Variants in DERA observed in about 807,000 individuals in gnomAD.
DERA encodes deoxyribose-phosphate aldolase, also known as 2-deoxy-D-ribose 5-phosphate aldolase.
In DERA, 15 loss-of-function variants were observed where a neutral mutation model predicts 41.1. The ratio of observed to expected loss-of-function variants is 0.37; its 90% CI spans 0.24 to 0.56. The LOEUF (loss-of-function observed/expected upper bound fraction) is 0.56, where lower values mean the gene tolerates loss of function less well. Among genes scored for constraint, DERA ranks in the 20% least tolerant of loss-of-function variants. The pLI, the probability that DERA is intolerant of heterozygous loss-of-function variation, is 0.81. For synonymous variants in DERA, 139 were observed against 137.4 expected (o/e 1.01, Z -0.08); for missense variants, 396 against 403.4 (o/e 0.98, Z 0.16).
chr12:16,007,762 C>G (rs1948922110), intron 6 of DERA, among the ~76,000 whole-genome samples: 1 of 152,112 alleles, frequency 6.6e-6, no homozygotes, highest in South Asian at 2.1e-4. Flanking sequence ...AAGACTTGTA[C>G]CTTAGTCTCT....
At position 15,983,812 on chromosome 12, in the gene DERA, C is replaced by T. The variant is rs1948747365; in HGVS notation, c.637+1376C>T. 6.6e-6 allele frequency among the ~76,000 whole-genome samples: 1 copy of T among 152,176 alleles called. No individual in the cohort carries two copies. The highest frequency in any genetic ancestry group is 2.1e-4 in the South Asian group (1 of 4,830). On this transcript the variant is annotated intron_variant, in intron 6 of 8. Coordinates refer to ENST00000428559, the MANE Select transcript of DERA (RefSeq NM_015954.4). This position sits in a 1 kb window ranked among gnomAD's most constrained non-coding sequence, Gnocchi z 6.2. ...ACTAGTCAGCAATGGTGCTGTTGCTCTGGGCACAACTGCTGTATCTAGAAA... is the reference window on the plus strand; with the variant it reads ...ACTAGTCAGCAATGGTGCTGTTGCTTTGGGCACAACTGCTGTATCTAGAAA...
chr12:15,963,702 A>T (rs968221009), intron 5 of DERA, among the ~76,000 whole-genome samples: 9 of 152,316 alleles, frequency 5.9e-5, no homozygotes, highest in Non-Finnish European at 1.0e-4. Flanking sequence ...TAAAGCCAGG[A>T]TAGTATATTG....
chr12:15,934,614 A>G (rs1051572553), intron 1 of DERA, among the ~76,000 whole-genome samples: 1 of 152,136 alleles, frequency 6.6e-6, no homozygotes, highest in African/African-American at 2.4e-5. Flanking sequence ...AAGTTTTACA[A>G]TAAACTCACT....
At chr12:15,917,507 T>G (rs1948209438) in intron 1 of DERA, among the ~76,000 whole-genome samples, 1 of 152,208 alleles carries the variant, frequency 6.6e-6, no homozygotes, top group Non-Finnish European at 1.5e-5. Context: ...CTCTTTTAAT[T>G]CTCCCAGGAA....
rs1344574852 is a variant in DERA, at chr12:16,021,332, G to C, written c.638-11210G>C. 6.6e-6 allele frequency among the ~76,000 whole-genome samples: 1 copy of C among 152,204 alleles called. No individual in the cohort carries two copies. Among genetic ancestry groups the C allele is most frequent in the African/African-American group, 2.4e-5 (1 of 41,448 alleles). The stretch of plus-strand genomic sequence containing the variant: ...ATACAGCTCAGGCTGCTGCTGTGGA[G>C]AGTACAAGTTGTAAGCCTTGCTGGT... On this transcript the variant is annotated intron_variant, in intron 6 of 8. Coordinates refer to ENST00000428559, the MANE Select transcript of DERA (RefSeq NM_015954.4). This position sits in a 1 kb window ranked among gnomAD's most constrained non-coding sequence, Gnocchi z 5.3.
Position 15,956,925 on chromosome 12 carries a change from G to C in DERA, c.32-11G>C. The stretch of plus-strand genomic sequence containing the variant: ...TTTAGGTTTCAGAAAGTGTTTTTCT[G>C]TCTGTTTTAGACCTTAGCTGGATCT... On this transcript the variant is annotated splice_polypyrimidine_tract_variant and intron_variant, in intron 1 of 8. Coordinates refer to ENST00000428559, the MANE Select transcript of DERA (RefSeq NM_015954.4). The C allele has an allele frequency of 6.2e-7, 1 of 1,606,836 alleles. No individual in the cohort carries two copies. The highest frequency in any genetic ancestry group is 8.5e-7 in the Non-Finnish European group (1 of 1,173,420).
intron 1 of DERA, 106 bp from the exon 2 acceptor site, chr12:15,956,829 AG>A (rs1948543092): frequency 2.4e-6 from 2 of 844,646 alleles, no homozygotes; most frequent in African/African-American, 1.7e-5. Flanking sequence ...CTTTAAAAAA[AG>A]GTTGATGTCA....
In DERA at chr12:16,009,154, G is replaced by C. The variant is rs1464903556; in HGVS notation, c.638-23388G>C. Among the ~76,000 whole-genome samples, 4 of 152,154 alleles carry C rather than the reference G, an allele frequency of 2.6e-5. No homozygotes were observed. Among genetic ancestry groups the C allele is most frequent in the Non-Finnish European group, 5.9e-5 (4 of 68,036 alleles). The stretch of plus-strand genomic sequence containing the variant: ...AAGCACTTAGTAATTTTCAGAAAGG[G>C]AGACTTATTCTGTTCCTCCTCCTTC... On this transcript the variant is annotated intron_variant, in intron 6 of 8. Coordinates refer to ENST00000428559, the MANE Select transcript of DERA (RefSeq NM_015954.4). This position sits in a 1 kb window ranked among gnomAD's most constrained non-coding sequence, Gnocchi z 5.3.
At chr12:15,933,684 G>T (rs1056166149) in intron 1 of DERA, among the ~76,000 whole-genome samples, 6 of 152,054 alleles carry the variant, frequency 3.9e-5, no homozygotes, top group African/African-American at 1.4e-4. Flanking sequence ...TTGGAAACAG[G>T]CTGTCACCAT....
Position 15,987,960 on chromosome 12 carries a change from A to C in DERA, c.637+5524A>C, listed in dbSNP as rs908132695. ...GCCACTGTGCACAGCCAGGCACATC[A>C]GCTGCGGCAGGGTGGGCAGCTCCAG... On this transcript the variant is annotated intron_variant, in intron 6 of 8. Transcript: ENST00000428559. Among the ~76,000 whole-genome samples the C allele has an allele frequency of 3.2e-4, 48 of 152,158 alleles. 2 individuals carry two copies. Among genetic ancestry groups the C allele is most frequent in the Non-Finnish European group, 7.4e-5 (5 of 68,016 alleles).
intron 4 of DERA, among the ~76,000 whole-genome samples, chr12:15,962,505 T>C (rs372015843): frequency 6.6e-6 from 1 of 152,380 alleles, no homozygotes; most frequent in African/African-American, 2.4e-5. Context: ...ACTGTGAAGA[T>C]AAAACATCTT....
rs1327151171 is a variant in DERA at position 15,996,518 on chromosome 12, CTCTG to C, written c.637+14088_637+14091del. 6.6e-6 allele frequency among the ~76,000 whole-genome samples: 1 copy of C among 152,102 alleles called. No homozygotes were observed. The highest frequency in any genetic ancestry group is 1.5e-5 in the Non-Finnish European group (1 of 68,020). On this transcript the variant is annotated intron_variant, in intron 6 of 8. Transcript: ENST00000428559. The surrounding 1 kb of genome is among the most constrained non-coding windows in gnomAD (Gnocchi z 4.7). ...AGATGGCTGTCTTCCCTCTGTGTGTCTCTGTCTGTGTCTCTTCTCCTCTTCTTAT... is the reference window on the plus strand; with the variant it reads ...AGATGGCTGTCTTCCCTCTGTGTGTCTCTGTGTCTCTTCTCCTCTTCTTAT...
chr12:15,949,556 T>C (rs1000073933), intron 1 of DERA, among the ~76,000 whole-genome samples: 1 of 152,150 alleles, frequency 6.6e-6, no homozygotes, highest in Non-Finnish European at 1.5e-5. Flanking sequence ...AAAAGCACAG[T>C]GTTAGGGTGG....
At chr12:15,923,058 T>C (rs1301451155) in intron 1 of DERA, among the ~76,000 whole-genome samples, 2 of 140,604 alleles carry the variant, frequency 1.4e-5, no homozygotes, top group African/African-American at 5.3e-5. Context: ...AGTCTCGCTC[T>C]GTCGCCCAGG....
At position 15,993,102 on chromosome 12, in the gene DERA, G is replaced by A. The variant is rs982675154; in HGVS notation, c.637+10666G>A. 6.6e-6 allele frequency among the ~76,000 whole-genome samples: 1 copy of A among 152,096 alleles called. No homozygotes were observed. The highest frequency in any genetic ancestry group is 2.4e-5 in the African/African-American group (1 of 41,424). On this transcript the variant is annotated intron_variant, in intron 6 of 8. Coordinates refer to ENST00000428559, the MANE Select transcript of DERA (RefSeq NM_015954.4). This position sits in a 1 kb window ranked among gnomAD's most constrained non-coding sequence, Gnocchi z 4.4. Reference sequence around the variant, plus strand: ...AACATGAAAAAGGTAGAATCCAGGGGAGGGAACATTCAAAATTCAACCCAA... The same window carrying A: ...AACATGAAAAAGGTAGAATCCAGGGAAGGGAACATTCAAAATTCAACCCAA...
chr12:16,009,301 G>A lies in DERA; in HGVS notation c.638-23241G>A, dbSNP rs1948932706. On this transcript the variant is annotated intron_variant, in intron 6 of 8. Transcript: ENST00000428559. The surrounding 1 kb of genome is among the most constrained non-coding windows in gnomAD (Gnocchi z 5.3). ...AGCCCCTGGAGAGTGGAAATCCTAGGGTTTTATTCTTTTAGCAGGTTTTGT... is the reference window on the plus strand; with the variant it reads ...AGCCCCTGGAGAGTGGAAATCCTAGAGTTTTATTCTTTTAGCAGGTTTTGT... 6.6e-6 allele frequency among the ~76,000 whole-genome samples: 1 copy of A among 152,000 alleles called. No homozygotes were observed. Among genetic ancestry groups the A allele is most frequent in the Admixed American group, 6.5e-5 (1 of 15,270 alleles).
At chr12:15,932,193 T>G (rs1948333407) in intron 1 of DERA, among the ~76,000 whole-genome samples, 1 of 152,228 alleles carries the variant, frequency 6.6e-6, no homozygotes. Flanking sequence ...AGATGTTAAT[T>G]TGACTGAAAA....
intron 3 of DERA, among the ~76,000 whole-genome samples, chr12:15,958,706 ATAAAG>A (rs984219899): frequency 5.7e-4 from 86 of 152,208 alleles, no homozygotes; most frequent in African/African-American, 2.0e-3. Flanking sequence ...CATCTCATAC[ATAAAG>A]TATTTTCTGT....
At position 16,020,491 on chromosome 12, in the gene DERA, C is replaced by T. The variant is rs1361427469; in HGVS notation, c.638-12051C>T. 6.6e-6 allele frequency among the ~76,000 whole-genome samples: 1 copy of T among 152,136 alleles called. No homozygotes were observed. Among genetic ancestry groups the T allele is most frequent in the African/African-American group, 2.4e-5 (1 of 41,420 alleles). ...ACCATATCACTCAGCCTCAGATATT[C>T]CTTTGTAGCAATGCAAGAATGGACT... On this transcript the variant is annotated intron_variant, in intron 6 of 8. Coordinates refer to ENST00000428559, the MANE Select transcript of DERA (RefSeq NM_015954.4). The surrounding 1 kb of genome is among the most constrained non-coding windows in gnomAD (Gnocchi z 5.5).
Sources: gnomAD v4.1 joint callset for allele counts (sites outside exome capture counted in the v4.1 genomes callset) on GRCh38, gnomAD v4.1.1 for gene constraint, Gnocchi (gnomAD v3.1) non-coding constraint, MANE v1.5 for transcripts, NCBI Gene and HGNC (gene_info 2026-07-23, HGNC 2026-07-21) for gene names.